TAL1: variants seen among roughly 807,000 people sequenced by gnomAD.
The protein encoded by TAL1 is T-cell acute lymphocytic leukemia protein 1.
Under a neutral mutation model 17.9 loss-of-function variants are expected in TAL1, and 8 were observed. The observed-to-expected ratio is 0.45, with a 90% CI of 0.26 to 0.81. The LOEUF (loss-of-function observed/expected upper bound fraction) is 0.81, where lower values mean the gene tolerates loss of function less well. TAL1 is among the 30% of genes least tolerant of loss of function. TAL1 has a pLI of 0.17. For missense variants in TAL1, 466 were observed against 486.9 expected (o/e 0.96, Z 0.40); for synonymous variants, 223 against 218.6 (o/e 1.02, Z -0.18).
Position 47,226,953 on chromosome 1 carries a change from C to T in TAL1, c.-1-1064G>A, listed in dbSNP as rs559584607. 1.8e-4 allele frequency among the ~76,000 whole-genome samples: 28 copies of T among 152,312 alleles called. No individual in the cohort carries two copies. In the East Asian group the frequency reaches 4.6e-3, roughly 25 times the overall value. ...TATGCATTTGAAAGTGCTGTGCAAACGTTCAAGTAAACATTATTAACAAGG... is the reference window on the plus strand; with the variant it reads ...TATGCATTTGAAAGTGCTGTGCAAATGTTCAAGTAAACATTATTAACAAGG... On this transcript the variant is annotated intron_variant, in intron 1 of 3. Transcript: ENST00000294339.
chr1:47,220,882 A>C (rs1429307157), intron 3 of TAL1, among the ~76,000 whole-genome samples: 1 of 152,244 alleles, frequency 6.6e-6, no homozygotes, highest in Non-Finnish European at 1.5e-5. Context: ...AAAAACAAAC[A>C]AACCAGGGCT....
chr1:47,232,276 C>T (rs1374593873), upstream of TAL1: 3 of 164,694 alleles, frequency 1.8e-5, no homozygotes, highest in Non-Finnish European at 2.7e-5. Context: ...CGCGCCCGCC[C>T]GGCCCCTCCA....
chr1:47,219,511 T>C (rs751376450), exon 4 of TAL1: 34 of 787,394 alleles, frequency 4.3e-5, no homozygotes, highest in Non-Finnish European at 6.7e-5. Flanking sequence ...CCTACCACTT[T>C]GCTCCATTTT....
exon 2 of TAL1, chr1:47,225,495 G>A (rs1433399564): frequency 1.6e-6 from 2 of 1,235,344 alleles, no homozygotes; most frequent in Non-Finnish European, 2.0e-6. Flanking sequence ...GCGCGGCCGG[G>A]GGCGGCGGGG....
At chr1:47,226,946 G>A (rs1021797953) in intron 1 of TAL1, among the ~76,000 whole-genome samples, 2 of 152,194 alleles carry the variant, frequency 1.3e-5, no homozygotes, top group African/African-American at 4.8e-5. Context: ...TGAAAGTGCT[G>A]TGCAAACGTT....
At position 47,219,894 on chromosome 1, in the gene TAL1, G is replaced by GGCGCCCCCCCCCCCCCCCCCCC; in HGVS notation, c.821_822insGGGGGGGGGGGGGGGGGGGCGC (p.Ala275GlyfsTer12). On this transcript the variant is annotated frameshift_variant, in exon 4 of 4. Transcript: ENST00000294339. LOFTEE classifies it high-confidence loss of function. Reference sequence around the variant, plus strand: ...CTTGCAGGAGGTCATCTGGGGGCGCGCCGCCCCCTCCCCCACCTCCACCCC... The same window carrying GGCGCCCCCCCCCCCCCCCCCCC: ...CTTGCAGGAGGTCATCTGGGGGCGCGGCGCCCCCCCCCCCCCCCCCCCCCGCCCCCTCCCCCACCTCCACCCC... 1.3e-6 allele frequency: 2 copies of GGCGCCCCCCCCCCCCCCCCCCC among 1,556,018 alleles called. No individual in the cohort carries two copies. Among genetic ancestry groups the GGCGCCCCCCCCCCCCCCCCCCC allele is most frequent in the Non-Finnish European group, 1.7e-6 (2 of 1,149,564 alleles).
chr1:47,220,803 G>A (rs771424099), intron 3 of TAL1, among the ~76,000 whole-genome samples: 9 of 152,170 alleles, frequency 5.9e-5, no homozygotes, highest in Non-Finnish European at 1.2e-4. Context: ...AGGCACTGAG[G>A]AATAATGGTG....
chr1:47,221,032 G>A (rs1005082961), intron 3 of TAL1, among the ~76,000 whole-genome samples: 1 of 152,248 alleles, frequency 6.6e-6, no homozygotes, highest in African/African-American at 2.4e-5. Flanking sequence ...CCCTGCACTA[G>A]ACAAGGCCTG....
intron 1 of TAL1, 119 bp from the exon 3 acceptor site, chr1:47,226,008 G>A: frequency 2.1e-6 from 2 of 934,702 alleles, no homozygotes; most frequent in East Asian, 1.4e-4. Context: ...CGAGACGTGA[G>A]AAGAGGCAGA....
exon 4 of TAL1, chr1:47,217,624 T>C (rs528952139): frequency 2.5e-6 from 1 of 398,604 alleles, no homozygotes. Flanking sequence ...TCCCATTCAG[T>C]CCACACCATA....
At chr1:47,218,038 G>A (rs964420565) in exon 4 of TAL1, 11 of 308,934 alleles carry the variant, frequency 3.6e-5, no homozygotes, top group Non-Finnish European at 5.9e-5. Flanking sequence ...GTCTGTACAT[G>A]GCTGAATTAG....
At chr1:47,219,594 A>G (rs1645568877) in exon 4 of TAL1, 1 of 1,440,576 alleles carries the variant, frequency 6.9e-7, no homozygotes, top group East Asian at 2.5e-5. Flanking sequence ...AAGTTCAGAC[A>G]TCCAGGAAAG....
At chr1:47,225,084 GT>G (rs1350717208) in intron 2 of TAL1, among the ~76,000 whole-genome samples, 1 of 152,068 alleles carries the variant, frequency 6.6e-6, no homozygotes, top group Non-Finnish European at 1.5e-5. Flanking sequence ...CTCTTTCCTG[GT>G]ACCCACGCTC....
At chr1:47,226,143 G>C in intron 1 of TAL1, 1 of 469,400 alleles carries the variant, frequency 2.1e-6, no homozygotes, top group Non-Finnish European at 3.7e-6. Context: ...GGGCCAAAAG[G>C]ACAGAGATGG....
chr1:47,219,711 C>T (rs1343962521), exon 4 of TAL1: 16 of 1,607,658 alleles, frequency 1.0e-5, no homozygotes, highest in East Asian at 4.5e-5. Context: ...TCCTGGTGGC[C>T]CAGACCCATC....
At chr1:47,225,570 AGGCGGGCGCGGGGGCCGG>A in exon 2 of TAL1, 1 of 1,281,400 alleles carries the variant, frequency 7.8e-7, no homozygotes, top group Non-Finnish European at 9.8e-7. Flanking sequence ...GCTGTAACCG[AGGCGGGCGCGGGGGCCGG>A]GGCGGGCCCG....
At chr1:47,224,562 C>T (rs189739435) in intron 2 of TAL1, among the ~76,000 whole-genome samples, 268 of 152,248 alleles carry the variant, frequency 1.8e-3, no homozygotes, top group African/African-American at 5.9e-3. Context: ...TCTTGGTCAC[C>T]ACAAAGGGGC....
At chr1:47,219,479 C>A (rs1364535816) in exon 4 of TAL1, 2 of 701,022 alleles carry the variant, frequency 2.9e-6, no homozygotes, top group Middle Eastern at 4.6e-4. Context: ...GAGGGAAGAC[C>A]GTGCCGTCTT....
At chr1:47,221,761 C>G (rs1333637091) in intron 3 of TAL1, among the ~76,000 whole-genome samples, 1 of 152,220 alleles carries the variant, frequency 6.6e-6, no homozygotes, top group Non-Finnish European at 1.5e-5. Flanking sequence ...GAGACTGAGG[C>G]TGGGATGGAA....
Sources: gnomAD v4.1 joint callset for allele counts (sites outside exome capture counted in the v4.1 genomes callset) on GRCh38, gnomAD v4.1.1 for gene constraint, MANE v1.5 for transcripts, NCBI Gene and HGNC (gene_info 2026-07-23, HGNC 2026-07-21) for gene names.